SEMA4D: variants seen among roughly 807,000 people sequenced by gnomAD.
The protein encoded by SEMA4D is semaphorin-4D.
SEMA4D carries 22 observed loss-of-function variants against 74.8 expected under a neutral mutation model. The observed-to-expected ratio is 0.29, with a 90% confidence interval of 0.21 to 0.42. SEMA4D has a LOEUF of 0.42. Ranked by LOEUF, SEMA4D falls within the 10% of genes least tolerant of loss-of-function variation. The pLI is 1.00. For missense variants in SEMA4D, 937 were observed against 1,118.4 expected (o/e 0.84, Z 2.31); for synonymous variants, 445 against 463.7 (o/e 0.96, Z 0.52).
chr9:89,459,016 C>A (rs541542296), intron 1 of SEMA4D, among the ~76,000 whole-genome samples: 145 of 152,332 alleles, frequency 9.5e-4, no homozygotes, highest in Non-Finnish European at 1.6e-3. Flanking sequence ...GGTCCTTATC[C>A]TCTCCCCAAG....
chr9:89,364,756 T>G (rs1833332761), intron 16 of SEMA4D: 1 of 152,680 alleles, frequency 6.5e-6, no homozygotes, highest in Non-Finnish European at 1.5e-5. Flanking sequence ...TGGCCTCAGC[T>G]TGTCTGATGG....
chr9:89,415,255 T>C (rs899741732), intron 2 of SEMA4D, among the ~76,000 whole-genome samples: 1 of 152,192 alleles, frequency 6.6e-6, no homozygotes, highest in African/African-American at 2.4e-5. Flanking sequence ...CATCTTCCAC[T>C]GGCCTAATGT....
chr9:89,456,877 G>A (rs146440456), intron 1 of SEMA4D, among the ~76,000 whole-genome samples: 2,718 of 152,316 alleles, frequency 0.018, 32 homozygotes, highest in Middle Eastern at 0.078. Context: ...ATGAGCCACC[G>A]CGTCCAGCTG....
At chr9:89,435,307 G>C (rs1279009332) in intron 2 of SEMA4D, among the ~76,000 whole-genome samples, 1 of 152,232 alleles carries the variant, frequency 6.6e-6, no homozygotes, top group Non-Finnish European at 1.5e-5. Flanking sequence ...ATCTTGACTT[G>C]ATGAGCCATT....
chr9:89,446,930 CA>C (rs1220896466), intron 2 of SEMA4D, among the ~76,000 whole-genome samples: 1 of 152,176 alleles, frequency 6.6e-6, no homozygotes, highest in African/African-American at 2.4e-5. Flanking sequence ...GTGCTGCCCC[CA>C]AAGACTGCAG....
At chr9:89,482,083 A>G (rs1218412955) in intron 1 of SEMA4D, among the ~76,000 whole-genome samples, 1 of 152,204 alleles carries the variant, frequency 6.6e-6, no homozygotes, top group Non-Finnish European at 1.5e-5. Context: ...ACTGCAAAGT[A>G]GTGGGCCATG....
intron 18 of SEMA4D, chr9:89,363,425 C>G: frequency 6.2e-7 from 1 of 1,612,230 alleles, no homozygotes; most frequent in Non-Finnish European, 8.5e-7. Context: ...GCTGCGGCCA[C>G]TTACCCACGC....
chr9:89,487,396 A>G (rs2136238638), intron 1 of SEMA4D, among the ~76,000 whole-genome samples: 1 of 152,258 alleles, frequency 6.6e-6, no homozygotes, highest in South Asian at 2.1e-4. Context: ...TGTAAAAGGC[A>G]CTTCATATCT....
At chr9:89,449,764 A>G (rs899353637) in intron 2 of SEMA4D, 8 of 1,513,900 alleles carry the variant, frequency 5.3e-6, no homozygotes, top group South Asian at 1.1e-5. Context: ...AAAGAAAAAG[A>G]GATGAAGAAA....
In SEMA4D at chr9:89,429,714, GA is replaced by G. The variant is rs528848967; in HGVS notation, c.-243-24016del. On this transcript the variant is annotated intron_variant, in intron 2 of 15. Coordinates refer to ENST00000422704, the MANE Select transcript of SEMA4D (RefSeq NM_001371194.2). ...GGCCGAGGGACGTACCCGACCTCCA[GA>G]AGCCCGGGAAGCATGCTGTTCCAGA... is the stretch of plus-strand genomic sequence containing the variant. Among the ~76,000 whole-genome samples the G allele has an allele frequency of 1.2e-3, 180 of 152,314 alleles. 1 individual carries two copies. Among genetic ancestry groups the G allele is most frequent in the African/African-American group, 4.2e-3 (175 of 41,572 alleles).
chr9:89,376,927 G>A, downstream of SEMA4D: 2 of 1,550,868 alleles, frequency 1.3e-6, no homozygotes, highest in South Asian at 1.2e-5. Flanking sequence ...CCCTCGAGCT[G>A]CTGTCGGGCC....
exon 19 of SEMA4D, chr9:89,362,377 G>A (rs557467635): frequency 2.4e-5 from 38 of 1,614,066 alleles, no homozygotes; most frequent in African/African-American, 2.0e-4. Context: ...GGTTGAGGTC[G>A]GTGTCAGGGA....
chr9:89,368,063 AC>A (rs924122542), intron 16 of SEMA4D: 1 of 152,238 alleles, frequency 6.6e-6, no homozygotes, highest in Non-Finnish European at 1.5e-5. Flanking sequence ...TGAGACATCC[AC>A]CCAGTGACTG....
In SEMA4D at chr9:89,379,088, G is replaced by A. The variant is rs138397887; in HGVS notation, c.2205C>T (p.Leu735=). The A allele has an allele frequency of 1.3e-4, 208 of 1,614,138 alleles. No homozygotes were observed. The highest frequency in any genetic ancestry group is 1.6e-4 in the Middle Eastern group (1 of 6,062). Residue 735 remains leucine, a synonymous_variant, in exon 16 of 16, where the codon CTC becomes CTT. Transcript: ENST00000422704. The part of the protein sequence containing the change: ...TMYLKSSDNR[L]LMSLFLFFFV... ...AGAAGAAGAGGAAGAGGGACATGAG[G>A]AGGCGGTTGTCGCTGGACTTAAGAT...
intron 2 of SEMA4D, among the ~76,000 whole-genome samples, chr9:89,454,505 C>A (rs1855462001): frequency 6.6e-6 from 1 of 152,174 alleles, no homozygotes; most frequent in Non-Finnish European, 1.5e-5. Flanking sequence ...GGCCCTCCAC[C>A]AAATCAAACA....
intron 16 of SEMA4D, chr9:89,369,578 GAC>G (rs748044042): frequency 2.9e-5 from 4 of 136,672 alleles, no homozygotes; most frequent in Non-Finnish European, 6.2e-5. Context: ...TCTGCATGTA[GAC>G]ACAACCCATC....
At chr9:89,370,834 G>A (rs1245120597) in intron 16 of SEMA4D, among the ~76,000 whole-genome samples, 1 of 146,680 alleles carries the variant, frequency 6.8e-6, no homozygotes, top group African/African-American at 2.5e-5. Context: ...TGTGTCTGGG[G>A]TGCGGTGTGT....
chr9:89,461,700 C>CTCTTT (rs71281350), intron 1 of SEMA4D, among the ~76,000 whole-genome samples: 36 of 103,654 alleles, frequency 3.5e-4, no homozygotes, highest in African/African-American at 1.1e-3. Flanking sequence ...TCTTTTTTCT[C>CTCTTT]TTTTTTTTTT....
intron 1 of SEMA4D, among the ~76,000 whole-genome samples, chr9:89,470,487 G>A (rs1163613695): frequency 3.9e-5 from 6 of 152,190 alleles, no homozygotes; most frequent in Non-Finnish European, 8.8e-5. Flanking sequence ...ACCAGGTGCT[G>A]GTAAGGGTAC....
Sources: gnomAD v4.1 joint callset for allele counts (sites outside exome capture counted in the v4.1 genomes callset) on GRCh38, gnomAD v4.1.1 for gene constraint, MANE v1.5 for transcripts, NCBI Gene and HGNC (gene_info 2026-07-23, HGNC 2026-07-21) for gene names.